USH2A: variants seen among roughly 807,000 people sequenced by gnomAD.
USH2A encodes the protein usherin.
USH2A carries 443 observed loss-of-function variants against 538.9 expected under a neutral mutation model. That is an observed-to-expected ratio of 0.82 (90% CI 0.76 to 0.89). USH2A has a LOEUF of 0.89. USH2A is among the 40% of genes least tolerant of loss of function. USH2A has a pLI of 0.00. For synonymous variants in USH2A, 2,413 were observed against 2,273.5 expected (o/e 1.06, Z -1.75); for missense variants, 6,633 against 6,324.8 (o/e 1.05, Z -1.65).
chr1:215,991,768 T>C (rs771666661), intron 35 of USH2A, among the ~76,000 whole-genome samples: 3 of 152,222 alleles, frequency 2.0e-5, no homozygotes, highest in Non-Finnish European at 4.4e-5. Flanking sequence ...TCTAGTTGTA[T>C]TAACCAATTG....
At chr1:215,686,467 C>T (rs1658426427) in intron 61 of USH2A, among the ~76,000 whole-genome samples, 1 of 151,966 alleles carries the variant, frequency 6.6e-6, no homozygotes, top group Non-Finnish European at 1.5e-5. Context: ...TTCAACAAAG[C>T]AGAAGTGTGA....
intron 31 of USH2A, among the ~76,000 whole-genome samples, chr1:216,047,254 T>A (rs933321416): frequency 6.6e-6 from 1 of 152,152 alleles, no homozygotes; most frequent in Non-Finnish European, 1.5e-5. Flanking sequence ...AGAGCAGGGA[T>A]CTCTCTGGGG....
chr1:216,355,307 A>AAAAGAAAG (rs61657867), intron 4 of USH2A, among the ~76,000 whole-genome samples: 4,719 of 103,338 alleles, frequency 0.046, 225 homozygotes, highest in African/African-American at 0.063. Flanking sequence ...CTCTGCTTCA[A>AAAAGAAAG]AAAGAAAGAA....
At chr1:216,206,874 TA>T (rs1396071475) in intron 16 of USH2A, among the ~76,000 whole-genome samples, 1 of 152,216 alleles carries the variant, frequency 6.6e-6, no homozygotes, top group African/African-American at 2.4e-5. Context: ...ATAAACTTCC[TA>T]AAATAAGTTT....
chr1:215,942,270 C>A (rs1410615675), intron 37 of USH2A, among the ~76,000 whole-genome samples: 1 of 152,084 alleles, frequency 6.6e-6, no homozygotes, highest in Admixed American at 6.6e-5. Flanking sequence ...CCAGTGTGAC[C>A]ACTTGCTGTA....
intron 16 of USH2A, among the ~76,000 whole-genome samples, chr1:216,203,426 T>TTC (rs1202509288): frequency 2.0e-5 from 3 of 151,960 alleles, no homozygotes; most frequent in Admixed American, 1.3e-4. Flanking sequence ...AATATGGTCT[T>TTC]TCTCTCTCTC....
At chr1:215,850,553 A>G (rs935761493) in intron 44 of USH2A, among the ~76,000 whole-genome samples, 1 of 152,178 alleles carries the variant, frequency 6.6e-6, no homozygotes, top group Non-Finnish European at 1.5e-5. Context: ...GCCTGTCTTT[A>G]ATTGACACAT....
At chr1:215,677,271 C>A (rs887560963) in intron 62 of USH2A, among the ~76,000 whole-genome samples, 2 of 152,142 alleles carry the variant, frequency 1.3e-5, no homozygotes, top group African/African-American at 2.4e-5. Flanking sequence ...CCTCCTTCCC[C>A]AAGACTTCAC....
At chr1:216,155,404 C>A (rs1426924026) in intron 21 of USH2A, among the ~76,000 whole-genome samples, 1 of 152,150 alleles carries the variant, frequency 6.6e-6, no homozygotes, top group Non-Finnish European at 1.5e-5. Context: ...TAGATAACAT[C>A]ACTATTGTAA....
At chr1:216,324,585 G>T (rs1016441529) in intron 6 of USH2A, among the ~76,000 whole-genome samples, 4 of 151,990 alleles carry the variant, frequency 2.6e-5, no homozygotes, top group Non-Finnish European at 5.9e-5. Flanking sequence ...TGCAAATAAA[G>T]ACATAAACAA....
chr1:216,137,315 AC>A (rs1157922921), intron 21 of USH2A, among the ~76,000 whole-genome samples: 2 of 152,172 alleles, frequency 1.3e-5, no homozygotes, highest in Admixed American at 6.5e-5. Flanking sequence ...AATTGGACTT[AC>A]AGTACTACAT....
intron 35 of USH2A, among the ~76,000 whole-genome samples, chr1:215,987,048 AT>A (rs902977930): frequency 6.6e-6 from 1 of 152,164 alleles, no homozygotes; most frequent in Non-Finnish European, 1.5e-5. Flanking sequence ...TTTAGTTAGT[AT>A]TTAAAAAAAA....
intron 64 of USH2A, among the ~76,000 whole-genome samples, chr1:215,662,943 A>G (rs1657490092): frequency 1.3e-5 from 2 of 152,362 alleles, no homozygotes; most frequent in South Asian, 4.1e-4. Context: ...GGGTGACAGC[A>G]ATAGAAAACA....
intron 21 of USH2A, among the ~76,000 whole-genome samples, chr1:216,133,435 G>A (rs1271658087): frequency 6.6e-6 from 1 of 151,964 alleles, no homozygotes; most frequent in Non-Finnish European, 1.5e-5. Context: ...GACATATGTG[G>A]GAGTCATCAG....
chr1:216,180,960 T>A (rs771156733), intron 20 of USH2A, among the ~76,000 whole-genome samples: 6 of 152,102 alleles, frequency 3.9e-5, no homozygotes, highest in Non-Finnish European at 5.9e-5. Flanking sequence ...TGCTGCAGAA[T>A]CAGCTGCTCA....
chr1:215,759,789 T>C lies in USH2A; in HGVS notation c.11102A>G (p.Tyr3701Cys). ...ATTGGGCTTTTCTGGCAGACTCCAA[T>C]ATAATTCCACTGTTGTAGAATTGAT... is the stretch of plus-strand genomic sequence containing the variant. ...IIINSTTVELYWSLPEKPNGL... is the reference protein window; with the variant it reads ...IIINSTTVELCWSLPEKPNGL... The change falls in exon 57 of 72, where the codon TAT (tyrosine) becomes TGT (cysteine). Residue 3701 changes from tyrosine to cysteine, a missense_variant. Tyr to Cys is a radical substitution (Grantham distance 194). Coordinates refer to ENST00000307340, the MANE Select transcript of USH2A (RefSeq NM_206933.4). The C allele has an allele frequency of 6.2e-7, 1 of 1,614,040 alleles. No individual in the cohort carries two copies. Among genetic ancestry groups the C allele is most frequent in the Non-Finnish European group, 8.5e-7 (1 of 1,179,958 alleles).
chr1:215,669,106 A>G (rs1230915696), intron 64 of USH2A, among the ~76,000 whole-genome samples: 1 of 152,194 alleles, frequency 6.6e-6, no homozygotes, highest in African/African-American at 2.4e-5. Context: ...TGTGACCAGA[A>G]TTTAACCCAA....
chr1:215,647,435 A>T, intron 67 of USH2A, 87 bp downstream of exon 67: 1 of 1,533,046 alleles, frequency 6.5e-7, no homozygotes, highest in Non-Finnish European at 9.0e-7. Context: ...ATCTGTTTTT[A>T]AAAGTGGCTT....
intron 64 of USH2A, among the ~76,000 whole-genome samples, chr1:215,661,906 C>T (rs547594611): frequency 5.9e-4 from 90 of 152,190 alleles, no homozygotes; most frequent in African/African-American, 2.1e-3. Context: ...GTCTGTTTTG[C>T]CATCACTCAG....
Sources: allele counts gnomAD v4.1 joint callset (sites outside exome capture counted in the v4.1 genomes callset), GRCh38; gene constraint gnomAD v4.1.1; transcripts MANE v1.5; gene names NCBI Gene and HGNC (gene_info 2026-07-23, HGNC 2026-07-21).